PHTF1: variants seen among roughly 807,000 people sequenced by gnomAD.
PHTF1 encodes putative homeodomain transcription factor 1, also known as protein PHTF1.
In PHTF1, 88 loss-of-function variants were observed where a neutral mutation model predicts 102.4. That is an observed-to-expected ratio of 0.86 (90% CI 0.72 to 1.03). The LOEUF is 1.03. Among genes scored for constraint, PHTF1 ranks in the 50% least tolerant of loss-of-function variants. The pLI is 0.00. For missense variants in PHTF1, 814 were observed against 909.5 expected, an observed-to-expected ratio of 0.89 and a Z score of 1.35; for synonymous variants, 289 against 305.2, an observed-to-expected ratio of 0.95 and a Z score of 0.55.
At chr1:113,743,229 A>G (rs1166667349) in intron 3 of PHTF1, among the ~76,000 whole-genome samples, 3 of 151,832 alleles carry the variant, frequency 2.0e-5, no homozygotes, top group African/African-American at 7.3e-5. Context: ...CATTTTCTTT[A>G]TATCTTCATA....
At chr1:113,719,897 C>T (rs1652641267) in intron 7 of PHTF1, among the ~76,000 whole-genome samples, 1 of 152,174 alleles carries the variant, frequency 6.6e-6, no homozygotes, top group African/African-American at 2.4e-5. Context: ...GCTGGGGAGG[C>T]TTCAGAATCA....
At position 113,700,955 on chromosome 1, in the gene PHTF1, C is replaced by A. The variant is rs1374729754; in HGVS notation, c.1891-6G>T. ...GTTTTATGTCCTTGGAGAACCTATA[C>A]AAAGGATCAAAAAAAAGTTAAGTTT... is the stretch of plus-strand genomic sequence containing the variant. On this transcript the variant is annotated splice_polypyrimidine_tract_variant and splice_region_variant and intron_variant, in intron 15 of 18. Coordinates refer to ENST00000369604, the MANE Select transcript of PHTF1 (RefSeq NM_001323043.2). 4 of 1,584,302 alleles carry A rather than the reference C, an allele frequency of 2.5e-6. No homozygotes were observed. The highest frequency in any genetic ancestry group is 4.0e-5 in the Admixed American group (2 of 50,356).
rs1266693084 is a variant in PHTF1, at chr1:113,713,373, T to C, written c.689A>G (p.His230Arg). Residue 230 changes from histidine to arginine, a missense_variant, in exon 8 of 19, where the codon CAT (histidine) becomes CGT (arginine). Transcript: ENST00000369604. ...ACATTGTCTCCTCTTAATGATAGGA[T>C]GGACACAACTTGGGTCATTGTCAGT... Reference protein sequence around the residue: ...TETDNDPSCVHPIIKRRQCRP... With the variant: ...TETDNDPSCVRPIIKRRQCRP... The C allele has an allele frequency of 1.2e-6, 2 of 1,603,948 alleles. No individual in the cohort carries two copies. The highest frequency in any genetic ancestry group is 1.7e-6 in the Non-Finnish European group (2 of 1,170,668).
intron 3 of PHTF1, among the ~76,000 whole-genome samples, chr1:113,755,708 T>G (rs1658754325): frequency 6.6e-6 from 1 of 152,092 alleles, no homozygotes; most frequent in Admixed American, 6.6e-5. Flanking sequence ...AACAAATAAC[T>G]TTGATATCAT....
At chr1:113,750,094 A>G (rs1220348337) in intron 3 of PHTF1, among the ~76,000 whole-genome samples, 4 of 152,018 alleles carry the variant, frequency 2.6e-5, no homozygotes, top group African/African-American at 9.7e-5. Flanking sequence ...TCCTGGGCTC[A>G]GGCGATCCCC....
chr1:113,721,232 CA>C (rs1317686448), intron 7 of PHTF1, among the ~76,000 whole-genome samples: 1 of 152,020 alleles, frequency 6.6e-6, no homozygotes, highest in African/African-American at 2.4e-5. Flanking sequence ...CACATCATAC[CA>C]AAAGAATGAA....
intron 3 of PHTF1, among the ~76,000 whole-genome samples, chr1:113,756,891 G>A (rs1658965464): frequency 6.6e-6 from 1 of 152,176 alleles, no homozygotes; most frequent in African/African-American, 2.4e-5. Context: ...CTCTAGGCCG[G>A]GCGCGGTGGC....
At chr1:113,697,799 C>T in intron 18 of PHTF1, 74 bp from the exon 19 acceptor site, 1 of 962,526 alleles carries the variant, frequency 1.0e-6, no homozygotes, top group Non-Finnish European at 1.7e-6. Flanking sequence ...ACTTACATGA[C>T]TATAAACTAA....
At chr1:113,703,948 A>G (rs920140598) in intron 15 of PHTF1, 133 bp downstream of exon 15, 8 of 507,698 alleles carry the variant, frequency 1.6e-5, no homozygotes, top group Non-Finnish European at 2.8e-5. Flanking sequence ...AAAAATTACC[A>G]AACATCCAAA....
chr1:113,732,225 C>T (rs532852420), intron 5 of PHTF1, among the ~76,000 whole-genome samples: 1 of 152,254 alleles, frequency 6.6e-6, no homozygotes, highest in South Asian at 2.1e-4. Flanking sequence ...TGGCCAGGCG[C>T]GGTGGCTCAG....
chr1:113,722,707 G>A (rs1236323430), intron 7 of PHTF1, among the ~76,000 whole-genome samples: 3 of 150,558 alleles, frequency 2.0e-5, no homozygotes, highest in Admixed American at 1.3e-4. Flanking sequence ...GAGGTCAGGA[G>A]TTTGAGACCA....
chr1:113,713,537 C>G, intron 7 of PHTF1, 99 bp from the exon 8 acceptor site: 1 of 672,482 alleles, frequency 1.5e-6, no homozygotes, highest in Non-Finnish European at 2.5e-6. Flanking sequence ...TTCTGGAAAT[C>G]AAGAAAATGC....
At position 113,758,605 on chromosome 1, in the gene PHTF1, A is replaced by C. The variant is rs372899227; in HGVS notation, c.45+54T>G. On this transcript the variant is annotated intron_variant, in intron 2 of 18. Transcript: ENST00000369604. Reference sequence around the variant, plus strand: ...AAAGTAACATTATATTATTTGTGGGAGCTTTTTGCAGGAAGAATGCTTTAC... The same window carrying C: ...AAAGTAACATTATATTATTTGTGGGCGCTTTTTGCAGGAAGAATGCTTTAC... The C allele has an allele frequency of 5.0e-5, 52 of 1,034,382 alleles. No individual in the cohort carries two copies. The African/African-American group carries it at 8.5e-4, about 17-fold the overall frequency. The allele number at this position is 1,034,382 out of a possible 1,614,324, so 64.1% of individuals were successfully genotyped here.
At chr1:113,721,137 A>T (rs1436874372) in intron 7 of PHTF1, among the ~76,000 whole-genome samples, 1 of 152,204 alleles carries the variant, frequency 6.6e-6, no homozygotes, top group African/African-American at 2.4e-5. Flanking sequence ...AAATAAATAA[A>T]TAAAAAGATC....
At chr1:113,750,476 A>T (rs1395534341) in intron 3 of PHTF1, among the ~76,000 whole-genome samples, 1 of 152,148 alleles carries the variant, frequency 6.6e-6, no homozygotes, top group Admixed American at 6.5e-5. Flanking sequence ...TAAAAATAAA[A>T]CACACAAAAA....
intron 7 of PHTF1, among the ~76,000 whole-genome samples, chr1:113,719,757 G>A (rs968560472): frequency 6.6e-6 from 1 of 152,094 alleles, no homozygotes; most frequent in Non-Finnish European, 1.5e-5. Flanking sequence ...CATATTTTCA[G>A]GTATCTTTTC....
intron 7 of PHTF1, among the ~76,000 whole-genome samples, chr1:113,715,676 A>AAAAAAAAAC (rs1651889674): frequency 7.3e-6 from 1 of 137,192 alleles, no homozygotes; most frequent in Non-Finnish European, 1.6e-5. Context: ...AAAAAAAAAA[A>AAAAAAAAAC]AAAAGCTATT....
intron 7 of PHTF1, among the ~76,000 whole-genome samples, chr1:113,715,644 GTC>G (rs2101240547): frequency 5.6e-5 from 1 of 17,766 alleles, no homozygotes; most frequent in South Asian, 4.2e-3. Context: ...GTGAAACCCT[GTC>G]TCAAAAAAAA....
chr1:113,708,857 G>A (rs1343063864), intron 11 of PHTF1, among the ~76,000 whole-genome samples: 1 of 152,116 alleles, frequency 6.6e-6, no homozygotes, highest in African/African-American at 2.4e-5. Context: ...CAACATCATC[G>A]TGATACTATG....
Sources: gnomAD v4.1 joint callset for allele counts (sites outside exome capture counted in the v4.1 genomes callset) on GRCh38, gnomAD v4.1.1 for gene constraint, MANE v1.5 for transcripts, NCBI Gene and HGNC (gene_info 2026-07-23, HGNC 2026-07-21) for gene names.